SMG6: variants seen among roughly 807,000 people sequenced by gnomAD.
SMG6 encodes telomerase-binding protein EST1A.
In SMG6, 66 loss-of-function variants were observed where a neutral mutation model predicts 142.2. The observed-to-expected ratio is 0.46, with a 90% CI of 0.38 to 0.57. The LOEUF is 0.57. SMG6 is among the 20% of genes least tolerant of loss of function. SMG6 has a pLI of 0.00. For synonymous variants in SMG6, 779 were observed against 702.4 expected, an observed-to-expected ratio of 1.11 and a Z score of -1.72; for missense variants, 1,793 against 1,832.0, an observed-to-expected ratio of 0.98 and a Z score of 0.39.
chr17:2,079,577 A>G (rs920350107), intron 15 of SMG6, among the ~76,000 whole-genome samples: 1 of 151,718 alleles, frequency 6.6e-6, no homozygotes, highest in Non-Finnish European at 1.5e-5. Context: ...TGGAGGTTGC[A>G]GTGAGCTGAG....
chr17:2,163,641 A>G (rs2071246117), intron 13 of SMG6, among the ~76,000 whole-genome samples: 1 of 152,178 alleles, frequency 6.6e-6, no homozygotes, highest in Non-Finnish European at 1.5e-5. Context: ...ATTATCTACA[A>G]ATAAAAACAG....
At chr17:2,087,256 G>C (rs1223815932) in intron 13 of SMG6, 1 of 1,285,970 alleles carries the variant, frequency 7.8e-7, no homozygotes, top group Non-Finnish European at 1.0e-6. Flanking sequence ...AAGCTCGGCT[G>C]GGTACCACAG....
intron 13 of SMG6, among the ~76,000 whole-genome samples, chr17:2,132,587 G>C (rs1295185063): frequency 6.6e-6 from 1 of 152,138 alleles, no homozygotes; most frequent in Non-Finnish European, 1.5e-5. Context: ...ACAAGATATA[G>C]AAACTTTGAG....
chr17:2,061,409 C>T lies in SMG6; in HGVS notation c.*83G>A, dbSNP rs952270803. On this transcript the variant is annotated 3_prime_UTR_variant, in exon 19 of 19. Coordinates refer to ENST00000263073, the MANE Select transcript of SMG6 (RefSeq NM_017575.5). Reference sequence around the variant, plus strand: ...TCTGGGTGGATTGGTGGCTCAGGCACGTGGGCATCTTCCGTGCTACACTGG... The same window carrying T: ...TCTGGGTGGATTGGTGGCTCAGGCATGTGGGCATCTTCCGTGCTACACTGG... 3.8e-5 allele frequency: 52 copies of T among 1,364,812 alleles called. No individual in the cohort carries two copies. In the African/African-American group the frequency reaches 4.5e-4, roughly 12 times the overall value. 84.5% of individuals were successfully genotyped at this position (1,364,812 alleles called of 1,614,324 possible).
At chr17:2,175,918 A>G (rs943592359) in intron 12 of SMG6, among the ~76,000 whole-genome samples, 2 of 152,156 alleles carry the variant, frequency 1.3e-5, no homozygotes, top group African/African-American at 4.8e-5. Context: ...GTTCACATTC[A>G]TATCATCAGT....
At chr17:2,144,144 C>T (rs1275428313) in intron 13 of SMG6, among the ~76,000 whole-genome samples, 3 of 150,618 alleles carry the variant, frequency 2.0e-5, no homozygotes, top group African/African-American at 4.9e-5. Context: ...CTGCAATGTC[C>T]GCCTCCCGGG....
At chr17:2,198,945 A>T (rs1011672660) in intron 10 of SMG6, among the ~76,000 whole-genome samples, 11 of 121,586 alleles carry the variant, frequency 9.0e-5, no homozygotes, top group South Asian at 2.7e-4. Flanking sequence ...AAAATAAAAT[A>T]AAATTAAAAA....
chr17:2,070,699 A>G (rs1567572015), intron 15 of SMG6, among the ~76,000 whole-genome samples: 2 of 152,206 alleles, frequency 1.3e-5, no homozygotes, highest in African/African-American at 4.8e-5. Context: ...CAGGCTACAG[A>G]ACGCTGGCAG....
At chr17:2,130,246 G>A (rs1337334982) in intron 13 of SMG6, among the ~76,000 whole-genome samples, 6 of 69,382 alleles carry the variant, frequency 8.6e-5, no homozygotes, top group Non-Finnish European at 9.7e-5. Flanking sequence ...CGGCCTGGGC[G>A]ACAGAGCGAG....
At chr17:2,103,979 T>C (rs927925687) in intron 13 of SMG6, among the ~76,000 whole-genome samples, 2 of 150,628 alleles carry the variant, frequency 1.3e-5, no homozygotes, top group African/African-American at 2.4e-5. Context: ...TCAGTTGGAA[T>C]CTTGTTCTGT....
At chr17:2,091,900 T>C (rs1257382199) in intron 13 of SMG6, among the ~76,000 whole-genome samples, 3 of 151,166 alleles carry the variant, frequency 2.0e-5, no homozygotes, top group African/African-American at 4.8e-5. Flanking sequence ...GCCAGGACGG[T>C]CTTGATCTCC....
chr17:2,075,640 C>G (rs1405684038), intron 15 of SMG6, among the ~76,000 whole-genome samples: 1 of 152,230 alleles, frequency 6.6e-6, no homozygotes, highest in Non-Finnish European at 1.5e-5. Flanking sequence ...GGTTAGGAAT[C>G]AAACACTTCT....
chr17:2,229,122 A>G (rs946288104), intron 10 of SMG6, among the ~76,000 whole-genome samples: 6 of 152,192 alleles, frequency 3.9e-5, no homozygotes, highest in African/African-American at 1.4e-4. Flanking sequence ...AGCCAAGAGA[A>G]AGAGTAAACA....
chr17:2,210,759 TAAAAAAAAATAAAATA>T (rs1335748522), intron 10 of SMG6, among the ~76,000 whole-genome samples: 1 of 123,340 alleles, frequency 8.1e-6, no homozygotes, highest in East Asian at 2.2e-4. Context: ...GCAAAAGCTT[TAAAAAAAAATAAAATA>T]AAAAAAAAAG....
chr17:2,242,891 T>C (rs373312899), intron 9 of SMG6, among the ~76,000 whole-genome samples: 33 of 152,258 alleles, frequency 2.2e-4, no homozygotes, highest in African/African-American at 7.9e-4. Context: ...TACAGTAACC[T>C]ACTAGAATAC....
intron 13 of SMG6, among the ~76,000 whole-genome samples, chr17:2,141,061 T>C (rs1459922483): frequency 6.6e-6 from 1 of 152,200 alleles, no homozygotes; most frequent in South Asian, 2.1e-4. Flanking sequence ...TTTAATACAG[T>C]AGCCACTAGC....
chr17:2,298,843 T>C (rs2075203349), intron 2 of SMG6, 63 bp downstream of exon 2: 9 of 1,481,136 alleles, frequency 6.1e-6, no homozygotes, highest in South Asian at 1.3e-5. Flanking sequence ...TCCTCAGCCA[T>C]AGCAATCTAT....
intron 10 of SMG6, among the ~76,000 whole-genome samples, chr17:2,219,058 C>T (rs949515309): frequency 3.3e-5 from 5 of 152,160 alleles, no homozygotes; most frequent in African/African-American, 1.2e-4. Flanking sequence ...TACATGAAGG[C>T]CTACATTGTG....
chr17:2,091,733 C>G (rs558525494), intron 13 of SMG6, among the ~76,000 whole-genome samples: 1 of 149,746 alleles, frequency 6.7e-6, no homozygotes, highest in South Asian at 2.1e-4. Context: ...TGCAGTGGTG[C>G]GATCTCGGCT....
Sources: allele counts gnomAD v4.1 joint callset (sites outside exome capture counted in the v4.1 genomes callset), GRCh38; gene constraint gnomAD v4.1.1; transcripts MANE v1.5; gene names NCBI Gene and HGNC (gene_info 2026-07-23, HGNC 2026-07-21).